Variants in GFRA1 observed in about 807,000 individuals in gnomAD.
GFRA1 encodes the protein GDNF family receptor alpha-1.
Under a neutral mutation model 51.6 loss-of-function variants are expected in GFRA1, and 16 were observed. That is an observed-to-expected ratio of 0.31 (90% CI 0.21 to 0.47). The LOEUF is 0.47. Ranked by LOEUF, GFRA1 falls within the 20% of genes least tolerant of loss-of-function variation. GFRA1 has a pLI of 1.00. For missense variants in GFRA1, 530 were observed against 594.3 expected (o/e 0.89, Z 1.13); for synonymous variants, 270 against 241.3 (o/e 1.12, Z -1.10).
At chr10:116,089,716 C>G in intron 9 of GFRA1, 25 bp downstream of exon 9, 1 of 1,605,794 alleles carries the variant, frequency 6.2e-7, no homozygotes, top group Non-Finnish European at 8.5e-7. Context: ...GGAGCCCCAG[C>G]AAGGAATCTG....
rs565427246 is a variant in GFRA1, at chr10:116,159,792, G to C, written c.434-34235C>G. On this transcript the variant is annotated intron_variant, in intron 5 of 10. Transcript: ENST00000355422. ...GTGACCACACACAGAGGTTTGAAGG[G>C]ATAGCACATCTCCCTTGTCTTCCCA... Among the ~76,000 whole-genome samples, 163 of 152,266 alleles carry C rather than the reference G, an allele frequency of 1.1e-3. 2 individuals are homozygous for C. The highest frequency in any genetic ancestry group is 3.8e-3 in the African/African-American group (156 of 41,562).
chr10:116,217,848 A>T (rs1250951102), intron 4 of GFRA1, among the ~76,000 whole-genome samples: 1 of 152,236 alleles, frequency 6.6e-6, no homozygotes, highest in East Asian at 1.9e-4. Flanking sequence ...GATAACTGGT[A>T]CCCAGAAAGT....
At chr10:116,238,800 T>C (rs1006993350) in intron 4 of GFRA1, among the ~76,000 whole-genome samples, 1 of 152,192 alleles carries the variant, frequency 6.6e-6, no homozygotes, top group South Asian at 2.1e-4. Context: ...GCAAAACAAA[T>C]GGTCATTTTT....
At chr10:116,245,830 G>C (rs923564510) in intron 4 of GFRA1, among the ~76,000 whole-genome samples, 2 of 152,130 alleles carry the variant, frequency 1.3e-5, no homozygotes, top group African/African-American at 4.8e-5. Flanking sequence ...AAAGAAACCA[G>C]TCTGTAGGGT....
chr10:116,105,421 C>T (rs909409732), intron 6 of GFRA1, among the ~76,000 whole-genome samples: 6 of 152,148 alleles, frequency 3.9e-5, no homozygotes, highest in Non-Finnish European at 5.9e-5. Flanking sequence ...CCTCCACCTT[C>T]GGAAGTAAAT....
intron 4 of GFRA1, among the ~76,000 whole-genome samples, chr10:116,224,793 C>T (rs1037270398): frequency 6.6e-6 from 1 of 152,116 alleles, no homozygotes; most frequent in Non-Finnish European, 1.5e-5. Context: ...ATACTAAAAT[C>T]CATTTAACTG....
At chr10:116,120,961 TTG>T (rs1035968430) in intron 6 of GFRA1, among the ~76,000 whole-genome samples, 136 of 152,284 alleles carry the variant, frequency 8.9e-4, no homozygotes, top group African/African-American at 3.1e-3. Flanking sequence ...GGGTCCCTCT[TTG>T]CTTGGCACTG....
chr10:116,141,049 T>C (rs891855031), intron 5 of GFRA1, among the ~76,000 whole-genome samples: 1 of 152,226 alleles, frequency 6.6e-6, no homozygotes, highest in South Asian at 2.1e-4. Context: ...AATGTAGCCA[T>C]AAAACCTCTA....
chr10:116,261,565 C>T (rs1969303862), intron 4 of GFRA1, among the ~76,000 whole-genome samples: 1 of 152,136 alleles, frequency 6.6e-6, no homozygotes, highest in South Asian at 2.1e-4. Context: ...ACTTTATCTT[C>T]TTCCATGTAT....
chr10:116,141,516 G>A (rs1026912667), intron 5 of GFRA1, among the ~76,000 whole-genome samples: 2 of 151,998 alleles, frequency 1.3e-5, no homozygotes, highest in Admixed American at 6.6e-5. Context: ...CAGGGAAACC[G>A]AGGGGGTTGG....
intron 4 of GFRA1, among the ~76,000 whole-genome samples, chr10:116,230,407 C>T (rs1345493197): frequency 2.0e-5 from 3 of 152,208 alleles, no homozygotes; most frequent in African/African-American, 7.2e-5. Flanking sequence ...ATTAGTCTCT[C>T]TCATGCCAAA....
intron 9 of GFRA1, among the ~76,000 whole-genome samples, chr10:116,067,211 C>T (rs747251524): frequency 1.3e-5 from 2 of 152,178 alleles, no homozygotes; most frequent in Non-Finnish European, 2.9e-5. Flanking sequence ...ATCTGGTCCA[C>T]TGCATTGTCA....
intron 4 of GFRA1, among the ~76,000 whole-genome samples, chr10:116,235,245 T>C (rs1486848238): frequency 6.6e-6 from 1 of 152,182 alleles, no homozygotes; most frequent in Non-Finnish European, 1.5e-5. Context: ...CACATGTGGC[T>C]GAAATGGCCA....
intron 4 of GFRA1, among the ~76,000 whole-genome samples, chr10:116,258,272 G>C (rs911209905): frequency 6.6e-6 from 1 of 151,040 alleles, no homozygotes; most frequent in Non-Finnish European, 1.5e-5. Context: ...CTATCATACT[G>C]AAAAACTGAA....
At chr10:116,262,373 G>A (rs1029599737) in intron 4 of GFRA1, among the ~76,000 whole-genome samples, 2 of 152,136 alleles carry the variant, frequency 1.3e-5, no homozygotes, top group African/African-American at 2.4e-5. Flanking sequence ...CCTTCTTGAG[G>A]TTGACATTTA....
At chr10:116,192,632 G>A (rs901669619) in intron 5 of GFRA1, among the ~76,000 whole-genome samples, 2 of 152,160 alleles carry the variant, frequency 1.3e-5, no homozygotes, top group African/African-American at 2.4e-5. Context: ...CTGTAGCAAC[G>A]CCCTATCTCA....
intron 5 of GFRA1, among the ~76,000 whole-genome samples, chr10:116,129,628 A>G (rs921003989): frequency 6.6e-6 from 1 of 152,110 alleles, no homozygotes; most frequent in Non-Finnish European, 1.5e-5. Context: ...CTTATAGTCA[A>G]TGTTGTATTG....
intron 5 of GFRA1, among the ~76,000 whole-genome samples, chr10:116,194,972 CCATA>C (rs1963607837): frequency 6.6e-6 from 1 of 152,150 alleles, no homozygotes; most frequent in African/African-American, 2.4e-5. Context: ...ATCGTGCAGG[CCATA>C]CAGTCTTTGT....
At chr10:116,267,940 A>AAC (rs58079628) in intron 4 of GFRA1, among the ~76,000 whole-genome samples, 17,204 of 146,278 alleles carry the variant, frequency 0.12, 1,148 homozygotes, top group East Asian at 0.22. Flanking sequence ...CTGACAGACT[A>AAC]ACACACACAC....
Sources: allele counts gnomAD v4.1 joint callset (sites outside exome capture counted in the v4.1 genomes callset), GRCh38; gene constraint gnomAD v4.1.1; transcripts MANE v1.5; gene names NCBI Gene and HGNC (gene_info 2026-07-23, HGNC 2026-07-21).